The following TMEM131L variants were observed in gnomAD, a reference collection of about 807,000 sequenced individuals.
TMEM131L encodes the protein transmembrane 131 like.
TMEM131L carries 54 observed loss-of-function variants against 192.2 expected under a neutral mutation model. The ratio of observed to expected loss-of-function variants is 0.28; its 90% confidence interval spans 0.23 to 0.35. The LOEUF is 0.35. Ranked by LOEUF, TMEM131L falls within the 10% of genes least tolerant of loss-of-function variation. TMEM131L has a pLI of 1.00. For synonymous variants in TMEM131L, 701 were observed against 704.9 expected, an observed-to-expected ratio of 0.99 and a Z score of 0.09; for missense variants, 1,888 against 1,972.9, an observed-to-expected ratio of 0.96 and a Z score of 0.82.
At chr4:153,610,290 A>G (rs1732522487) in intron 25 of TMEM131L, among the ~76,000 whole-genome samples, 1 of 152,204 alleles carries the variant, frequency 6.6e-6, no homozygotes, top group Non-Finnish European at 1.5e-5. Context: ...ATTCCCGGTT[A>G]TTAAAGGAAG....
chr4:153,556,859 A>C, intron 5 of TMEM131L, 107 bp from the exon 6 acceptor site: 1 of 640,458 alleles, frequency 1.6e-6, no homozygotes. Flanking sequence ...AAGGGTGCAC[A>C]ATATACAAAT....
At chr4:153,539,936 C>A (rs1337544355) in intron 3 of TMEM131L, among the ~76,000 whole-genome samples, 1 of 151,818 alleles carries the variant, frequency 6.6e-6, no homozygotes, top group Admixed American at 6.6e-5. Flanking sequence ...CGTGGAGAAA[C>A]CCCGTCTCTA....
chr4:153,472,849 A>G (rs1355483392), intron 2 of TMEM131L, among the ~76,000 whole-genome samples: 6 of 152,194 alleles, frequency 3.9e-5, no homozygotes, highest in South Asian at 2.1e-4. Flanking sequence ...GTGGTTGGCA[A>G]GATCAGACTG....
At chr4:153,594,405 G>T (rs35180316) in intron 19 of TMEM131L, among the ~76,000 whole-genome samples, 40,669 of 151,762 alleles carry the variant, frequency 0.27, 5,759 homozygotes, top group Non-Finnish European at 0.33. Context: ...GTCATGTGGT[G>T]AAGATGCTAT....
chr4:153,610,526 T>A (rs769191423), intron 25 of TMEM131L, among the ~76,000 whole-genome samples: 17 of 152,258 alleles, frequency 1.1e-4, no homozygotes, highest in Non-Finnish European at 2.5e-4. Context: ...GTCCTGGTTG[T>A]ACTTAAACCG....
chr4:153,582,430 G>GTTTTTTTTTTTTTTT (rs1561212531), intron 9 of TMEM131L, among the ~76,000 whole-genome samples: 2 of 38,508 alleles, frequency 5.2e-5, no homozygotes, highest in Admixed American at 2.7e-4. Context: ...GTTTTTTTTT[G>GTTTTTTTTTTTTTTT]TTGTTTTTTT....
At chr4:153,593,906 C>G in intron 19 of TMEM131L, 35 bp downstream of exon 19, 1 of 1,411,116 alleles carries the variant, frequency 7.1e-7, no homozygotes, top group East Asian at 2.3e-5. Context: ...AAAAGAATGC[C>G]GACAAACTAG....
chr4:153,536,192 G>T (rs140864406), intron 3 of TMEM131L, among the ~76,000 whole-genome samples: 19 of 152,272 alleles, frequency 1.2e-4, no homozygotes, highest in East Asian at 7.7e-4. Context: ...CTGGCCACTG[G>T]GGGGGTTAAC....
intron 3 of TMEM131L, among the ~76,000 whole-genome samples, chr4:153,517,545 C>T (rs142977384): frequency 6.6e-6 from 1 of 152,288 alleles, no homozygotes; most frequent in African/African-American, 2.4e-5. Context: ...TGGATCTGCC[C>T]TGCCTGGGAC....
chr4:153,622,061 C>T (rs1241561989), intron 28 of TMEM131L, among the ~76,000 whole-genome samples: 1 of 152,194 alleles, frequency 6.6e-6, no homozygotes, highest in Non-Finnish European at 1.5e-5. Flanking sequence ...CCCCCCAGCC[C>T]CCCAGTCTGG....
intron 10 of TMEM131L, 123 bp downstream of exon 10, chr4:153,583,371 T>C (rs904654565): frequency 1.2e-5 from 9 of 767,458 alleles, no homozygotes; most frequent in Admixed American, 4.3e-5. Flanking sequence ...TGCTTTAATT[T>C]AAGCCCATTT....
At chr4:153,473,938 C>T (rs1449578372) in intron 3 of TMEM131L, 50 bp downstream of exon 3, 1 of 1,302,718 alleles carries the variant, frequency 7.7e-7, no homozygotes, top group Admixed American at 2.2e-5. Context: ...TCCCTGCCCA[C>T]TTTGGGTGCT....
rs757300347 is a variant in TMEM131L, at chr4:153,586,392, AT to A, written c.1482+14del. Reference sequence around the variant, plus strand: ...AGCACCAACCAAGGTATTTTCTACAATACTATATGTGTGTTACAGTTTTCTT... The same window carrying A: ...AGCACCAACCAAGGTATTTTCTACAAACTATATGTGTGTTACAGTTTTCTT... On this transcript the variant is annotated intron_variant, in intron 14 of 34. Transcript: ENST00000409959. 1.1e-5 allele frequency: 18 copies of A among 1,569,230 alleles called. No individual in the cohort carries two copies. The highest frequency in any genetic ancestry group is 1.5e-5 in the Non-Finnish European group (17 of 1,158,430).
intron 26 of TMEM131L, among the ~76,000 whole-genome samples, chr4:153,617,905 A>ATTTCATG (rs1224621901): frequency 7.3e-6 from 1 of 136,704 alleles, no homozygotes. Flanking sequence ...ATGAATTTAT[A>ATTTCATG]TTTCATGTCC....
chr4:153,484,510 C>A (rs1335222700), intron 3 of TMEM131L, among the ~76,000 whole-genome samples: 2 of 150,914 alleles, frequency 1.3e-5, no homozygotes, highest in East Asian at 3.9e-4. Context: ...GCTCTGCCAC[C>A]CAGGCTGGAG....
chr4:153,563,546 C>T (rs181819602), intron 7 of TMEM131L, among the ~76,000 whole-genome samples: 14 of 139,170 alleles, frequency 1.0e-4, no homozygotes, highest in Admixed American at 3.2e-4. Context: ...CAGCTCACTG[C>T]GACTTCAGCC....
At chr4:153,515,548 GTGTT>G (rs1211917131) in intron 3 of TMEM131L, among the ~76,000 whole-genome samples, 1 of 152,198 alleles carries the variant, frequency 6.6e-6, no homozygotes, top group African/African-American at 2.4e-5. Flanking sequence ...TTGTGTGCAA[GTGTT>G]TGTGTGGACG....
At chr4:153,619,797 A>G (rs536317453) in intron 26 of TMEM131L, among the ~76,000 whole-genome samples, 32 of 152,222 alleles carry the variant, frequency 2.1e-4, no homozygotes, top group Non-Finnish European at 4.0e-4. Context: ...AGAAGGTAAA[A>G]TGAGCCAATC....
intron 18 of TMEM131L, 117 bp downstream of exon 18, chr4:153,592,701 A>G (rs1731161022): frequency 1.4e-6 from 1 of 733,086 alleles, no homozygotes; most frequent in Non-Finnish European, 2.4e-6. Context: ...CACAGTATTA[A>G]CCGATTAGCT....
Sources: allele counts gnomAD v4.1 joint callset (sites outside exome capture counted in the v4.1 genomes callset), GRCh38; gene constraint gnomAD v4.1.1; transcripts MANE v1.5; gene names NCBI Gene and HGNC (gene_info 2026-07-23, HGNC 2026-07-21).